ELK4: variants seen among roughly 807,000 people sequenced by gnomAD.
ELK4 encodes the protein ETS transcription factor ELK4.
ELK4 carries 16 observed loss-of-function variants against 29.6 expected under a neutral mutation model. The observed-to-expected ratio is 0.54, with a 90% CI of 0.37 to 0.82. ELK4 has a LOEUF of 0.82. Among genes scored for constraint, ELK4 ranks in the 40% least tolerant of loss-of-function variants. The probability of loss-of-function intolerance (pLI) is 0.00; values close to 1 mark genes in which losing one functional copy is unlikely to be tolerated. For synonymous variants in ELK4, 213 were observed against 191.1 expected, an observed-to-expected ratio of 1.11 and a Z score of -0.95; for missense variants, 465 against 507.1, an observed-to-expected ratio of 0.92 and a Z score of 0.80.
intron 1 of ELK4, among the ~76,000 whole-genome samples, chr1:205,627,735 T>C (rs12059129): frequency 0.015 from 2,264 of 152,312 alleles, 56 homozygotes; most frequent in African/African-American, 0.051. Flanking sequence ...GGGTCAACTA[T>C]ACCTACTTCC....
At position 205,631,716 on chromosome 1, in the gene ELK4, A is replaced by G; in HGVS notation, c.-94T>C. ...CCTCAGCCTCCTCCTCACGCTGGAA[A>G]CTCGAGGACGGCGCGGCAGCCGCTG... On this transcript the variant is annotated 5_prime_UTR_variant, in exon 1 of 5. Coordinates refer to ENST00000357992, the MANE Select transcript of ELK4 (RefSeq NM_001973.4). The G allele has an allele frequency of 3.1e-6, 1 of 325,728 alleles. No individual in the cohort carries two copies. The highest frequency in any genetic ancestry group is 2.1e-5 in the South Asian group (1 of 47,600). The allele number at this position is 325,728 out of a possible 1,614,324, so 20.2% of individuals were successfully genotyped here. A position where few individuals can be genotyped will look rare whatever the true frequency, so the allele number is the denominator to read the frequency against.
Position 205,620,688 on chromosome 1 carries a change from C to T in ELK4, c.358G>A (p.Val120Met). The T allele has an allele frequency of 1.2e-6, 2 of 1,614,156 alleles. No individual in the cohort carries two copies. The highest frequency in any genetic ancestry group is 1.1e-5 in the South Asian group (1 of 91,080). ...FSEVSSSSKD[V>M]ENGGKDKPPQ... ...GGTTTATCTTTCCCTCCATTCTCCA[C>T]ATCTTTGGAACTGCTGCTGACTTCA... The change falls in exon 3 of 5, where the codon GTG becomes ATG. Residue 120 changes from valine to methionine, a missense_variant. Val to Met is a conservative substitution (Grantham distance 21). Coordinates refer to ENST00000357992, the MANE Select transcript of ELK4 (RefSeq NM_001973.4).
intron 4 of ELK4, 23 bp from the exon 5 acceptor site, chr1:205,616,667 T>C: frequency 1.2e-6 from 2 of 1,601,980 alleles, no homozygotes; most frequent in Non-Finnish European, 1.7e-6. Context: ...ACAAAACACA[T>C]TATCATCCTA....
At position 205,614,548 on chromosome 1, in the gene ELK4, A is replaced by C; in HGVS notation, c.*1998T>G. On this transcript the variant is annotated 3_prime_UTR_variant, in exon 5 of 5. Transcript: ENST00000357992. ...CAACACTACTATTGCACATCTCAGG[A>C]ACAGAACCTTCAACTGATAACCACA... The C allele has an allele frequency of 4.4e-6, 1 of 229,168 alleles. No homozygotes were observed. The highest frequency in any genetic ancestry group is 8.7e-6 in the Non-Finnish European group (1 of 115,542). 14.2% of individuals were successfully genotyped at this position (229,168 alleles called of 1,614,324 possible).
chr1:205,620,912 A>G (rs1670329167), intron 2 of ELK4, 74 bp from the exon 3 acceptor site: 2 of 1,460,712 alleles, frequency 1.4e-6, no homozygotes, highest in Non-Finnish European at 1.8e-6. Flanking sequence ...AAAAGCTGGC[A>G]TCGGCCAGGC....
Position 205,615,390 on chromosome 1 carries a change from CAAAAAAAAAAAAAAAAA to C in ELK4, c.*1139_*1155del, listed in dbSNP as rs67904643. On this transcript the variant is annotated 3_prime_UTR_variant, in exon 5 of 5. Transcript: ENST00000357992. ...TGGGTGATAGAGCAAGACTCTGTCT[CAAAAAAAAAAAAAAAAA>C]AAAAAAAAGGAAATAAGCACATCTT... is the stretch of plus-strand genomic sequence containing the variant. 1.1e-3 allele frequency: 56 copies of C among 53,236 alleles called. No homozygotes were observed. The South Asian group carries it at 0.045, about 43-fold the overall frequency. The allele number at this position is 53,236 out of a possible 1,614,324, so 3.3% of individuals were successfully genotyped here. A position where few individuals can be genotyped will look rare whatever the true frequency, so the allele number is the denominator to read the frequency against.
intron 1 of ELK4, among the ~76,000 whole-genome samples, chr1:205,629,255 T>C (rs1275559944): frequency 1.3e-5 from 2 of 151,716 alleles, no homozygotes; most frequent in Non-Finnish European, 2.9e-5. Flanking sequence ...GAAAAAGATA[T>C]AAAGTGGACA....
chr1:205,612,585 C>T lies in ELK4; in HGVS notation c.*3961G>A, dbSNP rs1281810768. On this transcript the variant is annotated 3_prime_UTR_variant, in exon 5 of 5. Transcript: ENST00000357992. ...GGCTGGACACTCCTTTTCTGAACCA[C>T]TGCTTCAGAGGTATTGAGAAGTGGT... 4.7e-6 allele frequency: 1 copy of T among 213,112 alleles called. No individual in the cohort carries two copies. Among genetic ancestry groups the T allele is most frequent in the East Asian group, 7.0e-5 (1 of 14,238 alleles). The allele number at this position is 213,112 out of a possible 1,614,324, so 13.2% of individuals were successfully genotyped here.
At chr1:205,622,713 CAT>C (rs547006339) in intron 2 of ELK4, among the ~76,000 whole-genome samples, 2 of 152,218 alleles carry the variant, frequency 1.3e-5, no homozygotes, top group Non-Finnish European at 2.9e-5. Flanking sequence ...TTATGACACA[CAT>C]GAGAATATTT....
rs1030691305 is a variant in ELK4 at position 205,614,474 on chromosome 1, A to T, written c.*2072T>A. ...TGCAAACTAAATAATTTAATATGGA[A>T]AAAAAAGTCCAATATGTCTGTTCCC... On this transcript the variant is annotated 3_prime_UTR_variant, in exon 5 of 5. Transcript: ENST00000357992. 7.0e-5 allele frequency: 13 copies of T among 185,304 alleles called. No individual in the cohort carries two copies. Among genetic ancestry groups the T allele is most frequent in the Middle Eastern group, 1.4e-3 (1 of 720 alleles). The allele number at this position is 185,304 out of a possible 1,614,324, so 11.5% of individuals were successfully genotyped here. A position where few individuals can be genotyped will look rare whatever the true frequency, so the allele number is the denominator to read the frequency against.
rs549907255 is a variant in ELK4 at position 205,622,778 on chromosome 1, A to AT, written c.207+897dup. On this transcript the variant is annotated intron_variant, in intron 2 of 4. Coordinates refer to ENST00000357992, the MANE Select transcript of ELK4 (RefSeq NM_001973.4). ...TTTGTCATATTCCAATTCTGTACAT[A>AT]TTTTTTCTTTTAAAGACAACTGTAA... is the stretch of plus-strand genomic sequence containing the variant. 1.3e-3 allele frequency among the ~76,000 whole-genome samples: 200 copies of AT among 152,210 alleles called. 1 individual carries two copies. The highest frequency in any genetic ancestry group is 4.7e-3 in the African/African-American group (195 of 41,530).
intron 4 of ELK4, among the ~76,000 whole-genome samples, chr1:205,617,476 G>A (rs1160109903): frequency 1.3e-5 from 2 of 151,892 alleles, no homozygotes; most frequent in South Asian, 2.1e-4. Flanking sequence ...CTTTCCTAAC[G>A]TCTTGGTGAA....
chr1:205,619,733 ATATT>A (rs1350090331), intron 3 of ELK4: 3 of 1,459,354 alleles, frequency 2.1e-6, no homozygotes, highest in Admixed American at 2.7e-5. Flanking sequence ...AAAAATCAAA[ATATT>A]TATTTACTTG....
intron 1 of ELK4, among the ~76,000 whole-genome samples, chr1:205,626,310 A>G (rs1670459974): frequency 6.6e-6 from 1 of 152,138 alleles, no homozygotes; most frequent in Non-Finnish European, 1.5e-5. Flanking sequence ...TAGGAGGGGT[A>G]ATGGTGGAGT....
At position 205,608,321 on chromosome 1, in the gene ELK4, A is replaced by C. The variant is rs1322866352; in HGVS notation, c.*8225T>G. The C allele has an allele frequency of 5.1e-6, 1 of 197,116 alleles. No homozygotes were observed. The highest frequency in any genetic ancestry group is 1.0e-5 in the Non-Finnish European group (1 of 95,240). The allele number at this position is 197,116 out of a possible 1,614,324, so 12.2% of individuals were successfully genotyped here. ...CAGCATATTATTATAAAGCCCTCAA[A>C]GTGCTTTTGCATCCTTTCGCTCACC... On this transcript the variant is annotated 3_prime_UTR_variant, in exon 5 of 5. Transcript: ENST00000357992.
chr1:205,626,734 G>A (rs758375761), intron 1 of ELK4, among the ~76,000 whole-genome samples: 8 of 152,148 alleles, frequency 5.3e-5, no homozygotes, highest in Non-Finnish European at 1.0e-4. Context: ...ATTGCTGGTG[G>A]GAATGTAAAA....
chr1:205,619,683 A>C (rs1670295760), intron 3 of ELK4: 13 of 1,401,990 alleles, frequency 9.3e-6, no homozygotes, highest in Non-Finnish European at 1.1e-5. Context: ...AGACCGAGAG[A>C]GAGCGAGAGA....
rs868679705 is a variant in ELK4, at chr1:205,614,279, A to G, written c.*2267T>C. On this transcript the variant is annotated 3_prime_UTR_variant, in exon 5 of 5. Coordinates refer to ENST00000357992, the MANE Select transcript of ELK4 (RefSeq NM_001973.4). ...ATTAAAAATACTGTCTGTGAAAACA[A>G]ATCAATGGCTTTTCTCCTTTAATTC... The G allele has an allele frequency of 4.0e-5, 9 of 222,818 alleles. No individual in the cohort carries two copies. Among genetic ancestry groups the G allele is most frequent in the African/African-American group, 1.8e-4 (8 of 44,816 alleles). 13.8% of individuals were successfully genotyped at this position (222,818 alleles called of 1,614,324 possible).
In ELK4 at chr1:205,611,410, T is replaced by C; in HGVS notation, c.*5136A>G. On this transcript the variant is annotated 3_prime_UTR_variant, in exon 5 of 5. Coordinates refer to ENST00000357992, the MANE Select transcript of ELK4 (RefSeq NM_001973.4). ...TAGATCCTAAGATTAAACTTCAACT[T>C]CAGTAAGCAGAGTTCTGATGACATA... 4.7e-6 allele frequency: 1 copy of C among 210,928 alleles called. No homozygotes were observed. The highest frequency in any genetic ancestry group is 9.6e-6 in the Non-Finnish European group (1 of 103,934). 13.1% of individuals were successfully genotyped at this position (210,928 alleles called of 1,614,324 possible).
Sources: allele counts gnomAD v4.1 joint callset (sites outside exome capture counted in the v4.1 genomes callset), GRCh38; gene constraint gnomAD v4.1.1; transcripts MANE v1.5; gene names NCBI Gene and HGNC (gene_info 2026-07-23, HGNC 2026-07-21).